C1orf167: variants seen among roughly 807,000 people sequenced by gnomAD.
C1orf167 encodes the protein chromosome 1 open reading frame 167, also known as uncharacterized protein C1orf167.
C1orf167 carries 153 observed loss-of-function variants against 176.5 expected under a neutral mutation model. That is an observed-to-expected ratio of 0.87 (90% confidence interval 0.76 to 0.99). The LOEUF (loss-of-function observed/expected upper bound fraction) is 0.99, where lower values mean the gene tolerates loss of function less well. C1orf167 is among the 50% of genes least tolerant of loss of function. The pLI, the probability that C1orf167 is intolerant of heterozygous loss-of-function variation, is 0.00. For synonymous variants in C1orf167, 594 were observed against 752.7 expected (o/e 0.79, Z 3.45); for missense variants, 1,490 against 1,817.7 (o/e 0.82, Z 3.28).
Position 11,766,634 on chromosome 1 carries a change from A to T in C1orf167, c.848A>T (p.Gln283Leu). Residue 283 changes from glutamine (Q) to leucine (L), a missense_variant, in exon 3 of 21, where the codon CAG becomes CTG. Gln to Leu is a moderately radical substitution (Grantham distance 113). Coordinates refer to ENST00000688073, the MANE Select transcript of C1orf167 (RefSeq NM_001010881.2). The surrounding 1 kb of genome is among the most constrained non-coding windows in gnomAD (Gnocchi z 4.5). ...GGCCAGCCATTCTCCGCCCACCCCCAGCCCAGCCAGCCTGTCCTTGCTTCC... is the reference window on the plus strand; with the variant it reads ...GGCCAGCCATTCTCCGCCCACCCCCTGCCCAGCCAGCCTGTCCTTGCTTCC... ...GGGQPFSAHP[Q>L]PSQPVLASSD... The T allele has an allele frequency of 7.8e-7, 1 of 1,287,754 alleles. No individual in the cohort carries two copies. The allele number at this position is 1,287,754 out of a possible 1,614,324, so 79.8% of individuals were successfully genotyped here.
chr1:11,780,999 CTTTTTTTTT>C (rs386366239), intron 13 of C1orf167, among the ~76,000 whole-genome samples: 3 of 92,784 alleles, frequency 3.2e-5, no homozygotes, highest in South Asian at 7.5e-4. Context: ...CCCAACCAGT[CTTTTTTTTT>C]TTTTTTTTTT....
chr1:11,765,950 C>G lies in C1orf167; in HGVS notation c.164C>G (p.Ala55Gly). 1 of 1,267,538 alleles carries G rather than the reference C, an allele frequency of 7.9e-7. No individual in the cohort carries two copies. The highest frequency in any genetic ancestry group is 1.0e-6 in the Non-Finnish European group (1 of 975,618). 78.5% of individuals were successfully genotyped at this position (1,267,538 alleles called of 1,614,324 possible). Reference protein sequence around the residue: ...PGCQVERGGPAATPSPGAVLD... With the variant: ...PGCQVERGGPGATPSPGAVLD... ...TGCCAGGTGGAGAGGGGAGGGCCTG[C>G]TGCCACACCCTCCCCAGGGGCAGTG... Residue 55 changes from alanine to glycine, a missense_variant, in exon 3 of 21, where the codon GCT becomes GGT. Physicochemically the swap from Ala to Gly is moderately conservative, Grantham distance 60 (BLOSUM62 0). Coordinates refer to ENST00000688073, the MANE Select transcript of C1orf167 (RefSeq NM_001010881.2).
chr1:11,787,432 G>A lies in C1orf167; in HGVS notation c.3612G>A (p.Ala1204=), dbSNP rs751714928. The A allele has an allele frequency of 2.7e-5, 35 of 1,303,008 alleles. 1 individual carries two copies. Among genetic ancestry groups the A allele is most frequent in the East Asian group, 2.2e-4 (4 of 18,000 alleles). The allele number at this position is 1,303,008 out of a possible 1,614,324, so 80.7% of individuals were successfully genotyped here. The change falls in exon 17 of 21, where the codon GCG becomes GCA. Residue 1204 remains alanine, a synonymous_variant. Coordinates refer to ENST00000688073, the MANE Select transcript of C1orf167 (RefSeq NM_001010881.2). ...AGGCCACAGAGCTGGTGCCTCCCGCGCCATCACTGCAGTGCAGCCTGGGTG... is the reference window on the plus strand; with the variant it reads ...AGGCCACAGAGCTGGTGCCTCCCGCACCATCACTGCAGTGCAGCCTGGGTG... ...WTQATELVPP[A]PSLQCSLGGR...
rs914627359 is a variant in C1orf167, at chr1:11,768,316, A to G, written c.1542+41A>G. 41 of 1,283,572 alleles carry G rather than the reference A, an allele frequency of 3.2e-5. No individual in the cohort carries two copies. Among genetic ancestry groups the G allele is most frequent in the Non-Finnish European group, 4.0e-5 (39 of 983,966 alleles). 79.5% of individuals were successfully genotyped at this position (1,283,572 alleles called of 1,614,324 possible). ...GTTGGGCCAGGGGGCCGTGTGAAGC[A>G]GTGGTGTGTCTGGGGAGGAGACTCA... is the stretch of plus-strand genomic sequence containing the variant. On this transcript the variant is annotated intron_variant, in intron 5 of 20. Coordinates refer to ENST00000688073, the MANE Select transcript of C1orf167 (RefSeq NM_001010881.2). This position sits in a 1 kb window ranked among gnomAD's most constrained non-coding sequence, Gnocchi z 4.5.
At chr1:11,783,311 G>A (rs1009056188) in intron 14 of C1orf167, among the ~76,000 whole-genome samples, 1 of 152,068 alleles carries the variant, frequency 6.6e-6, no homozygotes, top group African/African-American at 2.4e-5. Context: ...GCAATGGCGC[G>A]ATCTCGGCTT....
intron 12 of C1orf167, 69 bp from the exon 13 acceptor site, chr1:11,779,733 G>C: frequency 8.8e-7 from 1 of 1,136,676 alleles, no homozygotes; most frequent in Non-Finnish European, 1.2e-6. Context: ...GAGAAAGGAG[G>C]GTGGGGCAGG....
At chr1:11,770,138 TG>T in intron 6 of C1orf167, among the ~76,000 whole-genome samples, 1 of 130,100 alleles carries the variant, frequency 7.7e-6, no homozygotes, top group South Asian at 2.8e-4. Context: ...AAAGGGAAAA[TG>T]GTGTGGCAAT....
chr1:11,768,356 C>A lies in C1orf167; in HGVS notation c.1542+81C>A. On this transcript the variant is annotated intron_variant, in intron 5 of 20. Coordinates refer to ENST00000688073, the MANE Select transcript of C1orf167 (RefSeq NM_001010881.2). This position sits in a 1 kb window ranked among gnomAD's most constrained non-coding sequence, Gnocchi z 4.5. The stretch of plus-strand genomic sequence containing the variant: ...GAGGAGACTCAGTCTACGGAGAGGA[C>A]ACCCACTGGGCATAGGTGGCACCTC... The A allele has an allele frequency of 1.7e-6, 2 of 1,191,608 alleles. No homozygotes were observed. The highest frequency in any genetic ancestry group is 2.2e-6 in the Non-Finnish European group (2 of 911,222). 73.8% of individuals were successfully genotyped at this position (1,191,608 alleles called of 1,614,324 possible). A position where few individuals can be genotyped will look rare whatever the true frequency, so the allele number is the denominator to read the frequency against.
At position 11,782,918 on chromosome 1, in the gene C1orf167, C is replaced by G. The variant is rs1345158165; in HGVS notation, c.3005+585C>G. Among the ~76,000 whole-genome samples the G allele has an allele frequency of 5.7e-5, 6 of 104,918 alleles. No homozygotes were observed. The South Asian group carries it at 2.0e-3, about 34-fold the overall frequency. 68.8% of individuals were successfully genotyped at this position (104,918 alleles called of 152,430 possible). A position where few individuals can be genotyped will look rare whatever the true frequency, so the allele number is the denominator to read the frequency against. ...TGGGCGACAGTGCGAGACTCCATCT[C>G]AAAAAAAAAAAAAAAAAAGGAGGAG... On this transcript the variant is annotated intron_variant, in intron 14 of 20. Transcript: ENST00000688073.
Position 11,785,162 on chromosome 1 carries a change from C to T in C1orf167, c.3440C>T (p.Ser1147Leu), listed in dbSNP as rs1046884894. Residue 1147 changes from serine (S) to leucine (L), a missense_variant, in exon 16 of 21, where the codon TCG (serine) becomes TTG (leucine). Ser to Leu is a moderately radical substitution (Grantham distance 145). Transcript: ENST00000688073. Reference protein sequence around the residue: ...WKPRAWVLEASVQSAVRGGVQ... With the variant: ...WKPRAWVLEALVQSAVRGGVQ... ...CTCTCCCGCAGGGTCCTAGAGGCCT[C>T]GGTGCAGTCGGCGGTGCGCGGCGGT... The T allele has an allele frequency of 5.4e-6, 7 of 1,291,118 alleles. No homozygotes were observed. In the East Asian group the frequency reaches 1.7e-4, roughly 31 times the overall value. 80.0% of individuals were successfully genotyped at this position (1,291,118 alleles called of 1,614,324 possible). A position where few individuals can be genotyped will look rare whatever the true frequency, so the allele number is the denominator to read the frequency against.
At position 11,762,316 on chromosome 1, in the gene C1orf167, A is replaced by C; in HGVS notation, c.-71+11A>C. 5.3e-6 allele frequency: 2 copies of C among 379,218 alleles called. No individual in the cohort carries two copies. Among genetic ancestry groups the C allele is most frequent in the South Asian group, 1.9e-5 (1 of 52,642 alleles). The allele number at this position is 379,218 out of a possible 1,614,324, so 23.5% of individuals were successfully genotyped here. Reference sequence around the variant, plus strand: ...GGAGGACCCACGCACGTGAGGGCAGATCCATGAGGGCAGGAAACTGACCTC... The same window carrying C: ...GGAGGACCCACGCACGTGAGGGCAGCTCCATGAGGGCAGGAAACTGACCTC... On this transcript the variant is annotated intron_variant, in intron 1 of 20. Transcript: ENST00000688073.
At chr1:11,767,589 G>A (rs1642862605) in intron 4 of C1orf167, among the ~76,000 whole-genome samples, 1 of 152,124 alleles carries the variant, frequency 6.6e-6, no homozygotes, top group East Asian at 1.9e-4. Flanking sequence ...TCGGGAGACT[G>A]AGGCAGGCAG....
intron 2 of C1orf167, among the ~76,000 whole-genome samples, chr1:11,765,506 C>T (rs72856874): frequency 6.6e-6 from 1 of 151,916 alleles, no homozygotes; most frequent in African/African-American, 2.4e-5. Context: ...CCTTTATTAC[C>T]TGACTCTTCC....
At chr1:11,778,876 T>C (rs1378992715) in intron 11 of C1orf167, 50 bp from the exon 12 acceptor site, 5 of 1,293,316 alleles carry the variant, frequency 3.9e-6, no homozygotes, top group Admixed American at 2.3e-5. Flanking sequence ...GTGGAGATTG[T>C]GGGAAGGGGA....
chr1:11,782,852 G>A (rs972362644), intron 14 of C1orf167, among the ~76,000 whole-genome samples: 5 of 151,298 alleles, frequency 3.3e-5, no homozygotes, highest in African/African-American at 1.2e-4. Flanking sequence ...CCGGGAGGCG[G>A]AGGTTGCAGT....
In C1orf167 at chr1:11,784,440, C is replaced by A; in HGVS notation, c.3272C>A (p.Ala1091Asp). The change falls in exon 15 of 21, where the codon GCC (alanine) becomes GAC (aspartate). Residue 1091 changes from alanine to aspartate, a missense_variant. Transcript: ENST00000688073. ...CAGGCCTTCCCAGCATGGCCAGTGG[C>A]CCCGGGCATGCACCATGAGGCCCAG... ...APQAFPAWPV[A>D]PGMHHEAQQQ... 3.1e-6 allele frequency: 4 copies of A among 1,303,578 alleles called. No homozygotes were observed. Among genetic ancestry groups the A allele is most frequent in the Non-Finnish European group, 3.0e-6 (3 of 988,900 alleles). The allele number at this position is 1,303,578 out of a possible 1,614,324, so 80.8% of individuals were successfully genotyped here.
Position 11,789,446 on chromosome 1 carries a change from A to G in C1orf167, c.4350A>G (p.Ter1450TrpextTer6), listed in dbSNP as rs886045186. ...AGCATGGGGCCCAGCTGCAGCTGTGACTTGTTCTCATAGAATAAAAAACAG... is the reference window on the plus strand; with the variant it reads ...AGCATGGGGCCCAGCTGCAGCTGTGGCTTGTTCTCATAGAATAAAAAACAG... ...GAEHGAQLQL[*>W] The change falls in exon 21 of 21, where the codon TGA becomes TGG. Residue 1450 changes from the stop codon to tryptophan, a stop_lost. Coordinates refer to ENST00000688073, the MANE Select transcript of C1orf167 (RefSeq NM_001010881.2). The G allele has an allele frequency of 1.5e-6, 2 of 1,303,256 alleles. No individual in the cohort carries two copies. Among genetic ancestry groups the G allele is most frequent in the Admixed American group, 2.3e-5 (1 of 43,322 alleles). The allele number at this position is 1,303,256 out of a possible 1,614,324, so 80.7% of individuals were successfully genotyped here.
At chr1:11,779,421 C>A in intron 12 of C1orf167, 1 of 218,496 alleles carries the variant, frequency 4.6e-6, no homozygotes, top group Non-Finnish European at 9.3e-6. Context: ...TCTCTGTGCC[C>A]TATTTGCCTA....
rs1434642955 is a variant in C1orf167 at position 11,788,574 on chromosome 1, G to A, written c.4079-78G>A. On this transcript the variant is annotated intron_variant, in intron 19 of 20. Transcript: ENST00000688073. The stretch of plus-strand genomic sequence containing the variant: ...CCTTTCACTCTGGTGCAGCAGTGTC[G>A]GGGGAGAAAGGCAGAAGGGCTGGGG... 5.5e-5 allele frequency: 67 copies of A among 1,208,900 alleles called. 1 individual carries two copies. The highest frequency in any genetic ancestry group is 1.7e-4 in the East Asian group (3 of 17,498). 74.9% of individuals were successfully genotyped at this position (1,208,900 alleles called of 1,614,324 possible). A position where few individuals can be genotyped will look rare whatever the true frequency, so the allele number is the denominator to read the frequency against.
Sources: gnomAD v4.1 joint callset for allele counts (sites outside exome capture counted in the v4.1 genomes callset) on GRCh38, gnomAD v4.1.1 for gene constraint, Gnocchi (gnomAD v3.1) non-coding constraint, MANE v1.5 for transcripts, NCBI Gene and HGNC (gene_info 2026-07-23, HGNC 2026-07-21) for gene names.